PHIP: variants seen among roughly 807,000 people sequenced by gnomAD.
PHIP encodes the protein PHIP subunit of CUL4-Ring ligase complex, also known as PH-interacting protein.
PHIP carries 54 observed loss-of-function variants against 236.8 expected under a neutral mutation model. That is an observed-to-expected ratio of 0.23 (90% CI 0.18 to 0.29). The LOEUF is 0.29. Ranked by LOEUF, PHIP falls within the 10% of genes least tolerant of loss-of-function variation. The pLI is 1.00. For synonymous variants in PHIP, 756 were observed against 718.9 expected, an observed-to-expected ratio of 1.05 and a Z score of -0.83; for missense variants, 1,370 against 2,190.8, an observed-to-expected ratio of 0.63 and a Z score of 7.48.
At chr6:79,065,662 T>C (rs1422196306) in intron 4 of PHIP, among the ~76,000 whole-genome samples, 3 of 152,022 alleles carry the variant, frequency 2.0e-5, no homozygotes, top group Non-Finnish European at 2.9e-5. Flanking sequence ...ACTCAATATA[T>C]TGGCTTGTGA....
chr6:78,958,438 T>C, intron 32 of PHIP, 37 bp downstream of exon 32: 1 of 1,231,284 alleles, frequency 8.1e-7, no homozygotes, highest in Non-Finnish European at 1.2e-6. Context: ...CATTAATTAT[T>C]AAAACTATCA....
At chr6:79,021,971 A>G (rs1273945551) in intron 9 of PHIP, among the ~76,000 whole-genome samples, 7 of 152,312 alleles carry the variant, frequency 4.6e-5, no homozygotes, top group South Asian at 2.1e-4. Flanking sequence ...GTATCAAAAG[A>G]TCTCATGTAC....
chr6:78,999,332 C>G (rs1319893276), intron 17 of PHIP, among the ~76,000 whole-genome samples: 1 of 152,076 alleles, frequency 6.6e-6, no homozygotes, highest in East Asian at 1.9e-4. Context: ...ATTCCAGCAC[C>G]AACTAAAATG....
chr6:78,991,388 T>G (rs1769236903), intron 19 of PHIP, among the ~76,000 whole-genome samples: 1 of 151,738 alleles, frequency 6.6e-6, no homozygotes, highest in African/African-American at 2.4e-5. Flanking sequence ...CTTTAAAAAT[T>G]CAATACAACA....
chr6:78,998,527 G>A (rs2127729059), intron 17 of PHIP, 136 bp from the exon 18 acceptor site: 2 of 563,398 alleles, frequency 3.5e-6, no homozygotes, highest in East Asian at 6.0e-5. Flanking sequence ...AACTATAAAT[G>A]ATGGGAGTTA....
chr6:79,003,874 C>A lies in PHIP; in HGVS notation c.1525-16G>T. On this transcript the variant is annotated splice_polypyrimidine_tract_variant and intron_variant, in intron 15 of 39. Coordinates refer to ENST00000275034, the MANE Select transcript of PHIP (RefSeq NM_017934.7). ...GGCCTTCAATCTGAAATATATTTAA[C>A]CAACAGTAAGAAAACTACCATTAAA... 1.3e-6 allele frequency: 2 copies of A among 1,544,612 alleles called. No individual in the cohort carries two copies. Among genetic ancestry groups the A allele is most frequent in the Non-Finnish European group, 1.7e-6 (2 of 1,143,102 alleles).
chr6:78,973,714 CAG>C (rs1767801353), intron 24 of PHIP, among the ~76,000 whole-genome samples: 1 of 151,704 alleles, frequency 6.6e-6, no homozygotes, highest in African/African-American at 2.4e-5. Flanking sequence ...CAAAAAAAGA[CAG>C]GGGTTGCAAT....
chr6:78,958,030 A>G (rs1031930167), intron 32 of PHIP: 2 of 154,416 alleles, frequency 1.3e-5, no homozygotes, highest in African/African-American at 4.8e-5. Flanking sequence ...TTACCGTGCA[A>G]CCTTATACAT....
chr6:78,948,815 C>T (rs1773975791), intron 35 of PHIP, among the ~76,000 whole-genome samples: 1 of 152,136 alleles, frequency 6.6e-6, no homozygotes, highest in Non-Finnish European at 1.5e-5. Context: ...AACAGTCCCT[C>T]AGTATGCGAC....
intron 1 of PHIP, 47 bp downstream of exon 1, chr6:79,077,982 G>A (rs779310028): frequency 3.1e-6 from 5 of 1,601,254 alleles, no homozygotes; most frequent in Non-Finnish European, 4.3e-6. Flanking sequence ...GGGGGACCGC[G>A]GGCGGAATCG....
chr6:79,060,332 T>A, intron 6 of PHIP, 146 bp downstream of exon 6: 1 of 548,580 alleles, frequency 1.8e-6, no homozygotes, highest in Non-Finnish European at 3.1e-6. Context: ...AAACTACTAC[T>A]AAGAAAAAAA....
chr6:79,021,401 G>A (rs1771110560), intron 9 of PHIP, among the ~76,000 whole-genome samples: 2 of 152,148 alleles, frequency 1.3e-5, no homozygotes, highest in South Asian at 2.1e-4. Context: ...GCCTGCCTTG[G>A]CCTCCCAAAG....
At chr6:78,941,572 A>G (rs1269381140) in intron 39 of PHIP, among the ~76,000 whole-genome samples, 1 of 152,190 alleles carries the variant, frequency 6.6e-6, no homozygotes, top group Non-Finnish European at 1.5e-5. Flanking sequence ...AAAATAAGTG[A>G]CTTATCTAAG....
chr6:79,015,980 T>C (rs1770816283), intron 13 of PHIP, among the ~76,000 whole-genome samples, 197 bp from the exon 14 acceptor site: 1 of 151,888 alleles, frequency 6.6e-6, no homozygotes, highest in African/African-American at 2.4e-5. Flanking sequence ...TCCAGAATTC[T>C]AGCACTTCTA....
chr6:79,002,871 A>C (rs963815040), intron 16 of PHIP, among the ~76,000 whole-genome samples: 1 of 152,108 alleles, frequency 6.6e-6, no homozygotes, highest in Admixed American at 6.6e-5. Context: ...TAAAAATCAC[A>C]TAAGATTTTC....
chr6:78,983,222 A>G, intron 22 of PHIP, 105 bp from the exon 23 acceptor site: 1 of 553,038 alleles, frequency 1.8e-6, no homozygotes, highest in Non-Finnish European at 3.0e-6. Context: ...TGACAGAACA[A>G]ATACTTAAAC....
intron 9 of PHIP, among the ~76,000 whole-genome samples, 184 bp from the exon 10 acceptor site, chr6:79,019,343 T>C (rs372720791): frequency 2.2e-4 from 33 of 152,178 alleles, no homozygotes; most frequent in African/African-American, 7.9e-4. Flanking sequence ...ATTCTAGATA[T>C]AGATTTTGTA....
intron 6 of PHIP, among the ~76,000 whole-genome samples, chr6:79,055,563 A>G (rs1235827712): frequency 6.6e-6 from 1 of 152,226 alleles, no homozygotes; most frequent in Non-Finnish European, 1.5e-5. Flanking sequence ...CAAGCTAGTA[A>G]TAACAACAGA....
At chr6:78,944,013 AG>A (rs1773663354) in intron 39 of PHIP, among the ~76,000 whole-genome samples, 1 of 150,150 alleles carries the variant, frequency 6.7e-6, no homozygotes, top group Non-Finnish European at 1.5e-5. Flanking sequence ...AAAAAAAAAA[AG>A]GAAGTGCTTG....
Sources: gnomAD v4.1 joint callset for allele counts (sites outside exome capture counted in the v4.1 genomes callset) on GRCh38, gnomAD v4.1.1 for gene constraint, MANE v1.5 for transcripts, NCBI Gene and HGNC (gene_info 2026-07-23, HGNC 2026-07-21) for gene names.